The following MIGA1 variants were observed in gnomAD, a reference collection of about 807,000 sequenced individuals.
MIGA1 encodes the protein mitoguardin 1.
A neutral mutation model predicts 82.0 loss-of-function variants in MIGA1; 58 were observed. The observed-to-expected ratio is 0.71, with a 90% CI of 0.57 to 0.88. MIGA1 has a LOEUF of 0.88. Among genes scored for constraint, MIGA1 ranks in the 40% least tolerant of loss-of-function variants. The pLI, the probability that MIGA1 is intolerant of heterozygous loss-of-function variation, is 0.00. For synonymous variants in MIGA1, 249 were observed against 253.6 expected (o/e 0.98, Z 0.17); for missense variants, 751 against 749.1 (o/e 1.00, Z -0.03).
intron 7 of MIGA1, among the ~76,000 whole-genome samples, chr1:77,829,635 A>ATT (rs372168080): frequency 1.3e-5 from 2 of 151,566 alleles, no homozygotes; most frequent in African/African-American, 4.9e-5. Flanking sequence ...CGCCCAGCTA[A>ATT]TTTTTTTGTA....
chr1:77,831,521 G>T (rs1684244171), intron 7 of MIGA1, among the ~76,000 whole-genome samples: 1 of 151,606 alleles, frequency 6.6e-6, no homozygotes, highest in African/African-American at 2.4e-5. Flanking sequence ...TAAAAATTAG[G>T]CTTCAGTTGG....
chr1:77,854,446 T>A (rs1685170795), intron 8 of MIGA1, among the ~76,000 whole-genome samples: 3 of 152,222 alleles, frequency 2.0e-5, no homozygotes, highest in Admixed American at 6.5e-5. Flanking sequence ...CAAATGGTAG[T>A]TCTACTTTTA....
At chr1:77,808,584 C>T (rs546277777) in intron 5 of MIGA1, among the ~76,000 whole-genome samples, 57 of 152,170 alleles carry the variant, frequency 3.7e-4, no homozygotes, top group Non-Finnish European at 7.2e-4. Flanking sequence ...TCTATGGAGC[C>T]TCACTGGAGC....
At chr1:77,824,349 C>G (rs1411408859) in intron 7 of MIGA1, among the ~76,000 whole-genome samples, 1 of 152,072 alleles carries the variant, frequency 6.6e-6, no homozygotes, top group Non-Finnish European at 1.5e-5. Flanking sequence ...TTGCTTGAGA[C>G]CAGGAGTTCA....
chr1:77,819,183 A>G (rs1009020520), intron 7 of MIGA1, among the ~76,000 whole-genome samples: 13 of 152,164 alleles, frequency 8.5e-5, no homozygotes, highest in African/African-American at 1.2e-4. Context: ...GGGAAAGTGA[A>G]GTACAGAGGC....
intron 8 of MIGA1, among the ~76,000 whole-genome samples, chr1:77,856,927 G>GT (rs1326054273): frequency 6.6e-6 from 1 of 151,934 alleles, no homozygotes; most frequent in Non-Finnish European, 1.5e-5. Flanking sequence ...TTTGGGTTTG[G>GT]TTTATTCTTG....
At chr1:77,860,225 T>A (rs1685413452) in intron 11 of MIGA1, 99 bp downstream of exon 11, 1 of 756,560 alleles carries the variant, frequency 1.3e-6, no homozygotes, top group African/African-American at 1.8e-5. Flanking sequence ...AGAAGAAAAA[T>A]TTTTGTGGAT....
At chr1:77,795,163 C>T (rs1682601286) in intron 2 of MIGA1, among the ~76,000 whole-genome samples, 1 of 151,964 alleles carries the variant, frequency 6.6e-6, no homozygotes, top group Non-Finnish European at 1.5e-5. Flanking sequence ...GGGGTTTCAC[C>T]ATACTGGTCA....
intron 13 of MIGA1, among the ~76,000 whole-genome samples, 188 bp from the exon 14 acceptor site, chr1:77,866,150 C>G (rs970751848): frequency 3.9e-5 from 6 of 152,140 alleles, no homozygotes; most frequent in Non-Finnish European, 5.9e-5. Flanking sequence ...CTCTTGACCT[C>G]ATGATCCACC....
intron 2 of MIGA1, among the ~76,000 whole-genome samples, chr1:77,798,126 A>AG (rs1682734028): frequency 6.6e-6 from 1 of 152,210 alleles, no homozygotes; most frequent in South Asian, 2.1e-4. Context: ...AGTTCCCCAG[A>AG]GTTACCATAA....
At chr1:77,797,020 A>C (rs940115168) in intron 2 of MIGA1, among the ~76,000 whole-genome samples, 1 of 152,166 alleles carries the variant, frequency 6.6e-6, no homozygotes, top group African/African-American at 2.4e-5. Context: ...TTTACCCACA[A>C]ATGTCACATA....
intron 7 of MIGA1, among the ~76,000 whole-genome samples, chr1:77,822,572 GT>G (rs949629886): frequency 2.0e-5 from 3 of 152,150 alleles, no homozygotes; most frequent in African/African-American, 7.2e-5. Flanking sequence ...CTGAGGCTGA[GT>G]TTTTTGCAGC....
intron 2 of MIGA1, among the ~76,000 whole-genome samples, chr1:77,791,386 C>A (rs1189226104): frequency 6.6e-6 from 1 of 151,700 alleles, no homozygotes; most frequent in Non-Finnish European, 1.5e-5. Flanking sequence ...CAGTTTGTTC[C>A]TTTTTATTTT....
chr1:77,813,692 T>C, intron 5 of MIGA1, 42 bp from the exon 6 acceptor site: 1 of 1,596,668 alleles, frequency 6.3e-7, no homozygotes, highest in South Asian at 1.1e-5. Context: ...TATTTTGGCA[T>C]TGATTTTGCT....
intron 11 of MIGA1, 23 bp downstream of exon 11, chr1:77,860,149 A>AT (rs1557933400): frequency 6.5e-7 from 1 of 1,534,744 alleles, no homozygotes; most frequent in Admixed American, 1.9e-5. Context: ...TGTTGGCAAG[A>AT]TTTTTACCAT....
At chr1:77,780,008 G>C in intron 1 of MIGA1, 1 of 1,217,706 alleles carries the variant, frequency 8.2e-7, no homozygotes, top group Non-Finnish European at 1.0e-6. Flanking sequence ...CCCCACGCCA[G>C]AGGGAGGCCT....
intron 14 of MIGA1, chr1:77,868,572 G>A (rs924269588): frequency 6.6e-6 from 1 of 152,048 alleles, no homozygotes; most frequent in African/African-American, 2.4e-5. Context: ...CACCTCTTAG[G>A]AACTATTTCC....
chr1:77,788,688 T>G (rs1465839537), intron 2 of MIGA1, among the ~76,000 whole-genome samples: 1 of 152,186 alleles, frequency 6.6e-6, no homozygotes, highest in Admixed American at 6.5e-5. Flanking sequence ...TACCATTTGT[T>G]GAAAAAACTC....
At chr1:77,866,301 C>T (rs1299500026) in intron 13 of MIGA1, 37 bp from the exon 14 acceptor site, 1 of 1,562,122 alleles carries the variant, frequency 6.4e-7, no homozygotes, top group Non-Finnish European at 8.8e-7. Context: ...GTTTATATAG[C>T]TATATATAAA....
Sources: allele counts gnomAD v4.1 joint callset (sites outside exome capture counted in the v4.1 genomes callset), GRCh38; gene constraint gnomAD v4.1.1; transcripts MANE v1.5; gene names NCBI Gene and HGNC (gene_info 2026-07-23, HGNC 2026-07-21).